Variants in COG6 observed in about 807,000 individuals in gnomAD.
The protein encoded by COG6 is component of oligomeric golgi complex 6, also known as conserved oligomeric Golgi complex subunit 6.
COG6 carries 74 observed loss-of-function variants against 88.8 expected under a neutral mutation model. That is an observed-to-expected ratio of 0.83 (90% CI 0.69 to 1.01). The LOEUF is 1.01. Among genes scored for constraint, COG6 ranks in the 50% least tolerant of loss-of-function variants. The pLI, the probability that COG6 is intolerant of heterozygous loss-of-function variation, is 0.00. For synonymous variants in COG6, 286 were observed against 278.7 expected, an observed-to-expected ratio of 1.03 and a Z score of -0.26; for missense variants, 800 against 797.9, an observed-to-expected ratio of 1.00 and a Z score of -0.03.
intron 18 of COG6, among the ~76,000 whole-genome samples, chr13:39,742,439 G>A (rs972479093): frequency 2.6e-5 from 4 of 151,950 alleles, no homozygotes; most frequent in South Asian, 4.2e-4. Context: ...ACAAAAAAAG[G>A]CAGGGGTTGC....
downstream of COG6, among the ~76,000 whole-genome samples, chr13:39,754,796 G>A (rs1018486843): frequency 5.3e-5 from 8 of 152,132 alleles, no homozygotes; most frequent in African/African-American, 1.9e-4. Flanking sequence ...CACAATGATA[G>A]TTACATGTAT....
chr13:39,684,628 A>G (rs1876533393), intron 8 of COG6, among the ~76,000 whole-genome samples: 1 of 152,132 alleles, frequency 6.6e-6, no homozygotes, highest in Admixed American at 6.5e-5. Flanking sequence ...GAACAAGATG[A>G]ATGCTAAAAA....
At chr13:39,684,496 C>A (rs1394428286) in intron 8 of COG6, among the ~76,000 whole-genome samples, 3 of 151,638 alleles carry the variant, frequency 2.0e-5, no homozygotes, top group Non-Finnish European at 1.5e-5. Flanking sequence ...GTGATCCACC[C>A]GCCTCGGCCT....
At position 39,689,843 on chromosome 13, in the gene COG6, A is replaced by C. The variant is rs559929265; in HGVS notation, c.1074+19A>C. On this transcript the variant is annotated intron_variant, in intron 11 of 18. Transcript: ENST00000455146. ...TCTAAAGGTAAAATATTTTGTTTTT[A>C]CATATGCTATATGGTACCTGCTTAA... The C allele has an allele frequency of 2.2e-5, 34 of 1,514,990 alleles. No individual in the cohort carries two copies. Among genetic ancestry groups the C allele is most frequent in the Non-Finnish European group, 3.1e-5 (34 of 1,090,616 alleles). The allele number at this position is 1,514,990 out of a possible 1,614,324, so 93.8% of individuals were successfully genotyped here. A position where few individuals can be genotyped will look rare whatever the true frequency, so the allele number is the denominator to read the frequency against.
chr13:39,749,297 CAA>C (rs752191238), intron 18 of COG6, among the ~76,000 whole-genome samples: 76 of 152,270 alleles, frequency 5.0e-4, no homozygotes, highest in Non-Finnish European at 8.2e-4. Flanking sequence ...CCATCATATT[CAA>C]AATATACTGG....
At chr13:39,693,566 C>A (rs1433551602) in intron 11 of COG6, among the ~76,000 whole-genome samples, 1 of 151,798 alleles carries the variant, frequency 6.6e-6, no homozygotes, top group Non-Finnish European at 1.5e-5. Flanking sequence ...AAAAATAAAT[C>A]ATGGAAAAAT....
In COG6 at chr13:39,752,350, T is replaced by G. The variant is rs1880686993; in HGVS notation, c.*1257T>G. ...ATATGACCTATTTATCTGAAGTTTATAATTGTTTATACCTAATACAGTTCT... is the reference window on the plus strand; with the variant it reads ...ATATGACCTATTTATCTGAAGTTTAGAATTGTTTATACCTAATACAGTTCT... On this transcript the variant is annotated 3_prime_UTR_variant, in exon 19 of 19. Transcript: ENST00000455146. The G allele has an allele frequency of 1.1e-6, 1 of 870,802 alleles. No homozygotes were observed. Among genetic ancestry groups the G allele is most frequent in the Non-Finnish European group, 1.6e-6 (1 of 634,958 alleles). The allele number at this position is 870,802 out of a possible 1,614,324, so 53.9% of individuals were successfully genotyped here. A position where few individuals can be genotyped will look rare whatever the true frequency, so the allele number is the denominator to read the frequency against.
At chr13:39,694,955 G>GCGCA (rs1555277402) in intron 12 of COG6, among the ~76,000 whole-genome samples, 3,006 of 142,630 alleles carry the variant, frequency 0.021, 90 homozygotes, top group African/African-American at 0.074. Context: ...TTAACTACAC[G>GCGCA]CACACACACA....
chr13:39,677,406 G>C, intron 4 of COG6, 62 bp from the exon 5 acceptor site: 1 of 902,288 alleles, frequency 1.1e-6, no homozygotes, highest in Non-Finnish European at 1.9e-6. Flanking sequence ...GATAGAATTT[G>C]TTTTAAAGCT....
intron 18 of COG6, among the ~76,000 whole-genome samples, chr13:39,766,237 T>C (rs1170622687): frequency 6.6e-6 from 1 of 152,196 alleles, no homozygotes; most frequent in Non-Finnish European, 1.5e-5. Context: ...ACCTTCCCTG[T>C]TCCTCCACCA....
intron 8 of COG6, among the ~76,000 whole-genome samples, chr13:39,687,053 A>G (rs1484787625): frequency 2.0e-5 from 3 of 152,128 alleles, no homozygotes; most frequent in African/African-American, 7.2e-5. Context: ...TTCTAATTAT[A>G]ATCAGTTTTT....
intron 11 of COG6, among the ~76,000 whole-genome samples, 163 bp downstream of exon 11, chr13:39,689,987 C>A (rs1483822765): frequency 6.6e-6 from 1 of 151,756 alleles, no homozygotes; most frequent in Non-Finnish European, 1.5e-5. Flanking sequence ...TAATAATTGC[C>A]AGTTTTCTCT....
chr13:39,761,274 A>G (rs926315940), intron 18 of COG6, among the ~76,000 whole-genome samples: 10 of 152,056 alleles, frequency 6.6e-5, no homozygotes. Flanking sequence ...AATGATATCT[A>G]TTCTTAAGTT....
chr13:39,671,672 G>A (rs1472886744), intron 4 of COG6, among the ~76,000 whole-genome samples: 1 of 151,812 alleles, frequency 6.6e-6, no homozygotes, highest in East Asian at 1.9e-4. Flanking sequence ...ACACATGCAT[G>A]TACATGTTCC....
Position 39,655,674 on chromosome 13 carries a change from T to C in COG6, c.-53T>C, listed in dbSNP as rs534007509. On this transcript the variant is annotated 5_prime_UTR_variant, in exon 1 of 19. Coordinates refer to ENST00000455146, the MANE Select transcript of COG6 (RefSeq NM_020751.3). ...GCACATGCGCAATACTCGCGCTGCC[T>C]CCGTGGTCCCTGCCTGGCTGAGGTG... The C allele has an allele frequency of 1.3e-6, 2 of 1,550,206 alleles. No homozygotes were observed. Among genetic ancestry groups the C allele is most frequent in the Non-Finnish European group, 8.7e-7 (1 of 1,145,512 alleles).
intron 15 of COG6, among the ~76,000 whole-genome samples, chr13:39,720,599 G>A (rs1233029750): frequency 1.3e-5 from 2 of 151,810 alleles, no homozygotes; most frequent in African/African-American, 4.8e-5. Flanking sequence ...GTGGTTTAAA[G>A]TCAAATAATT....
intron 18 of COG6, among the ~76,000 whole-genome samples, chr13:39,767,234 A>C (rs1881192022): frequency 6.6e-6 from 1 of 152,228 alleles, no homozygotes; most frequent in Admixed American, 6.5e-5. Context: ...ATAACTCATT[A>C]GTCTTGACAT....
intron 18 of COG6, among the ~76,000 whole-genome samples, chr13:39,774,609 C>T (rs926557090): frequency 6.6e-5 from 10 of 151,632 alleles, no homozygotes; most frequent in African/African-American, 2.4e-4. Flanking sequence ...GAGTCTCGCT[C>T]TGTCACGCAG....
intron 4 of COG6, among the ~76,000 whole-genome samples, chr13:39,673,303 A>C (rs1439955865): frequency 6.6e-6 from 1 of 151,862 alleles, no homozygotes; most frequent in African/African-American, 2.4e-5. Flanking sequence ...AAGTTATTTT[A>C]TCTATTTGTT....
Sources: allele counts gnomAD v4.1 joint callset (sites outside exome capture counted in the v4.1 genomes callset), GRCh38; gene constraint gnomAD v4.1.1; transcripts MANE v1.5; gene names NCBI Gene and HGNC (gene_info 2026-07-23, HGNC 2026-07-21).